Variants in PRKAG2 observed in about 807,000 individuals in gnomAD.
PRKAG2 encodes 5'-AMP-activated protein kinase subunit gamma-2.
Under a neutral mutation model 69.6 loss-of-function variants are expected in PRKAG2, and 26 were observed. The ratio of observed to expected loss-of-function variants is 0.37; its 90% CI spans 0.27 to 0.52. The LOEUF is 0.52. PRKAG2 is among the 20% of genes least tolerant of loss of function. PRKAG2 has a pLI of 0.90. For missense variants in PRKAG2, 557 were observed against 740.0 expected, an observed-to-expected ratio of 0.75 and a Z score of 2.87; for synonymous variants, 293 against 285.0, an observed-to-expected ratio of 1.03 and a Z score of -0.28.
At chr7:151,816,126 T>C (rs758579512) in intron 1 of PRKAG2, among the ~76,000 whole-genome samples, 3 of 152,072 alleles carry the variant, frequency 2.0e-5, no homozygotes, top group African/African-American at 4.8e-5. Flanking sequence ...AGCTGGGACT[T>C]TGGGGGGCCT....
chr7:151,631,459 C>T (rs1824383176), intron 5 of PRKAG2, among the ~76,000 whole-genome samples: 1 of 151,822 alleles, frequency 6.6e-6, no homozygotes, highest in African/African-American at 2.4e-5. Flanking sequence ...AAATAAGATC[C>T]AAGTTATTTA....
intron 3 of PRKAG2, among the ~76,000 whole-genome samples, chr7:151,722,668 T>C (rs1797309059): frequency 6.6e-6 from 1 of 152,008 alleles, no homozygotes; most frequent in South Asian, 2.1e-4. Context: ...AGCCCCATGC[T>C]CTGCGAGGTT....
intron 4 of PRKAG2, among the ~76,000 whole-genome samples, chr7:151,665,598 C>T (rs1047343520): frequency 2.6e-5 from 4 of 152,172 alleles, no homozygotes; most frequent in South Asian, 2.1e-4. Flanking sequence ...TAACCAATCC[C>T]GCTGAGAATC....
intron 4 of PRKAG2, among the ~76,000 whole-genome samples, chr7:151,663,219 G>T (rs930778432): frequency 3.3e-5 from 5 of 152,138 alleles, no homozygotes; most frequent in South Asian, 2.1e-4. Flanking sequence ...GAGGTTAAGG[G>T]GAAGAACAAA....
At chr7:151,616,717 G>A (rs371233840) in intron 5 of PRKAG2, among the ~76,000 whole-genome samples, 3 of 152,244 alleles carry the variant, frequency 2.0e-5, no homozygotes. Flanking sequence ...AGCCAGAGGA[G>A]CCTTCACGGC....
intron 1 of PRKAG2, among the ~76,000 whole-genome samples, chr7:151,854,285 C>CCA (rs1176560367): frequency 6.6e-6 from 1 of 152,278 alleles, no homozygotes; most frequent in Non-Finnish European, 1.5e-5. Context: ...TCCCTTCCCC[C>CCA]CACACACATG....
chr7:151,806,216 G>A (rs2078094038), intron 1 of PRKAG2, among the ~76,000 whole-genome samples: 1 of 152,216 alleles, frequency 6.6e-6, no homozygotes, highest in South Asian at 2.1e-4. Context: ...CAAACAGTTT[G>A]GGACAGAGAA....
intron 4 of PRKAG2, among the ~76,000 whole-genome samples, chr7:151,659,823 C>T (rs1253432073): frequency 1.3e-5 from 2 of 152,216 alleles, no homozygotes; most frequent in African/African-American, 4.8e-5. Context: ...GGAGGCTCCG[C>T]TAGAAAAAAT....
At chr7:151,630,770 C>T (rs1356846022) in intron 5 of PRKAG2, among the ~76,000 whole-genome samples, 1 of 152,134 alleles carries the variant, frequency 6.6e-6, no homozygotes, top group Non-Finnish European at 1.5e-5. Flanking sequence ...GGACAGCGGC[C>T]AAGATTTGGC....
rs554025285 is a variant in PRKAG2, at chr7:151,653,256, TA to T, written c.685-21119del. ...AAAAATTATCATTAAATTTGCTTGT[TA>T]AAAAAAAATACGTTAGCTTTTTGCC... On this transcript the variant is annotated intron_variant, in intron 4 of 15. Transcript: ENST00000287878. Among the ~76,000 whole-genome samples, 385 of 151,360 alleles carry T rather than the reference TA, an allele frequency of 2.5e-3. 4 individuals carry two copies. The highest frequency in any genetic ancestry group is 0.017 in the Middle Eastern group (5 of 292).
At chr7:151,592,855 T>C (rs1205346684) in intron 6 of PRKAG2, among the ~76,000 whole-genome samples, 1 of 152,244 alleles carries the variant, frequency 6.6e-6, no homozygotes, top group Non-Finnish European at 1.5e-5. Context: ...TACTGCAGCC[T>C]GTGTCTAGAA....
At chr7:151,790,973 G>A (rs2077249743) in intron 1 of PRKAG2, among the ~76,000 whole-genome samples, 1 of 152,232 alleles carries the variant, frequency 6.6e-6, no homozygotes, top group South Asian at 2.1e-4. Context: ...CGGAGTGGTG[G>A]AGGCAGGTCC....
At chr7:151,612,304 G>A (rs565850182) in intron 5 of PRKAG2, among the ~76,000 whole-genome samples, 2 of 152,222 alleles carry the variant, frequency 1.3e-5, no homozygotes, top group African/African-American at 4.8e-5. Flanking sequence ...CTTCTTGCAG[G>A]GTGTTCCTAG....
intron 3 of PRKAG2, among the ~76,000 whole-genome samples, chr7:151,724,897 G>C (rs1797689779): frequency 6.6e-6 from 1 of 152,122 alleles, no homozygotes; most frequent in South Asian, 2.1e-4. Flanking sequence ...GGGACCCGGG[G>C]CGTGGCGGGG....
chr7:151,832,314 G>A (rs1174638486), intron 1 of PRKAG2, among the ~76,000 whole-genome samples: 1 of 151,648 alleles, frequency 6.6e-6, no homozygotes, highest in Non-Finnish European at 1.5e-5. Context: ...CTGAGTCTTT[G>A]CCCCACAGAG....
Position 151,605,903 on chromosome 7 carries a change from A to C in PRKAG2, c.755-10449T>G, listed in dbSNP as rs942055621. 9.8e-5 allele frequency among the ~76,000 whole-genome samples: 14 copies of C among 143,344 alleles called. No homozygotes were observed. The East Asian group carries it at 2.6e-3, about 27-fold the overall frequency. 94.0% of individuals were successfully genotyped at this position (143,344 alleles called of 152,430 possible). A position where few individuals can be genotyped will look rare whatever the true frequency, so the allele number is the denominator to read the frequency against. Reference sequence around the variant, plus strand: ...CAGTGAACTGAGATTGTGCCACTGCACTCCAGCCTGGCGACAGAGCGAGAC... The same window carrying C: ...CAGTGAACTGAGATTGTGCCACTGCCCTCCAGCCTGGCGACAGAGCGAGAC... On this transcript the variant is annotated intron_variant, in intron 5 of 15. Coordinates refer to ENST00000287878, the MANE Select transcript of PRKAG2 (RefSeq NM_016203.4).
Position 151,835,015 on chromosome 7 carries a change from C to T in PRKAG2, c.114+41492G>A, listed in dbSNP as rs528430056. On this transcript the variant is annotated intron_variant, in intron 1 of 15. Transcript: ENST00000287878. The surrounding 1 kb of genome is among the most constrained non-coding windows in gnomAD (Gnocchi z 4.1). ...GAGGTCTCTCCGGGCATATCTGTGT[C>T]CAGAATCCCCCTCATACGCAGATGC... Among the ~76,000 whole-genome samples the T allele has an allele frequency of 6.6e-6, 1 of 152,314 alleles. No homozygotes were observed. Among genetic ancestry groups the T allele is most frequent in the East Asian group, 1.9e-4 (1 of 5,176 alleles).
At chr7:151,863,071 T>C (rs187951582) in intron 1 of PRKAG2, among the ~76,000 whole-genome samples, 72 of 133,800 alleles carry the variant, frequency 5.4e-4, no homozygotes, top group Admixed American at 1.7e-3. Context: ...GGTAGATCCC[T>C]GGGTGCAGGG....
Position 151,691,765 on chromosome 7 carries a change from T to C in PRKAG2, c.467-16128A>G, listed in dbSNP as rs570480200. Among the ~76,000 whole-genome samples the C allele has an allele frequency of 2.0e-5, 3 of 152,360 alleles. No homozygotes were observed. The South Asian group carries it at 6.2e-4, about 32-fold the overall frequency. On this transcript the variant is annotated intron_variant, in intron 3 of 15. Transcript: ENST00000287878. ...TTTGGAAAATAGTTTGACAGTTTCT[T>C]CTGTAGTTAAACATACATTTACCAT...
Sources: allele counts gnomAD v4.1 joint callset (sites outside exome capture counted in the v4.1 genomes callset), GRCh38; gene constraint gnomAD v4.1.1; non-coding constraint Gnocchi (gnomAD v3.1); transcripts MANE v1.5; gene names NCBI Gene and HGNC (gene_info 2026-07-23, HGNC 2026-07-21).